The following RALGAPA2 variants were observed in gnomAD, a reference collection of about 807,000 sequenced individuals.
RALGAPA2 encodes the protein ral GTPase-activating protein subunit alpha-2.
In RALGAPA2, 139 loss-of-function variants were observed where a neutral mutation model predicts 230.4. That is an observed-to-expected ratio of 0.60 (90% CI 0.53 to 0.69). The LOEUF (loss-of-function observed/expected upper bound fraction) is 0.69. RALGAPA2 is among the 30% of genes least tolerant of loss of function. The pLI is 0.00. For missense variants in RALGAPA2, 2,163 were observed against 2,276.0 expected (o/e 0.95, Z 1.01); for synonymous variants, 847 against 837.8 (o/e 1.01, Z -0.19).
At chr20:20,577,827 C>T (rs2064867162) in intron 20 of RALGAPA2, among the ~76,000 whole-genome samples, 1 of 152,094 alleles carries the variant, frequency 6.6e-6, no homozygotes, top group South Asian at 2.1e-4. Context: ...TAATTTACAG[C>T]TTTGTTTCAT....
intron 1 of RALGAPA2, among the ~76,000 whole-genome samples, chr20:20,686,278 G>A (rs1238679861): frequency 6.6e-6 from 1 of 152,086 alleles, no homozygotes; most frequent in Admixed American, 6.6e-5. Flanking sequence ...AGGCATGGTG[G>A]CTCACACCTG....
rs576826852 is a variant in RALGAPA2 at position 20,416,500 on chromosome 20, A to G, written c.5496-4352T>C. On this transcript the variant is annotated intron_variant, in intron 37 of 39. Transcript: ENST00000202677. ...GCTTTCATCTAATATCTTGAATTCT[A>G]GAATAAATGGTGTTAAGTTCAAGAT... 2.0e-4 allele frequency among the ~76,000 whole-genome samples: 30 copies of G among 152,314 alleles called. 1 individual carries two copies. Among genetic ancestry groups the G allele is most frequent in the African/African-American group, 6.7e-4 (28 of 41,564 alleles).
At chr20:20,542,706 T>C (rs1376796387) in intron 24 of RALGAPA2, among the ~76,000 whole-genome samples, 1 of 152,158 alleles carries the variant, frequency 6.6e-6, no homozygotes, top group Non-Finnish European at 1.5e-5. Context: ...TGGCTAGCCA[T>C]ATGCAGAAAA....
At chr20:20,555,204 G>T (rs1342020186) in intron 23 of RALGAPA2, among the ~76,000 whole-genome samples, 1 of 152,130 alleles carries the variant, frequency 6.6e-6, no homozygotes, top group East Asian at 1.9e-4. Context: ...AATTGTCTTT[G>T]CACCCTTGTC....
At chr20:20,588,018 C>T (rs1312367656) in intron 18 of RALGAPA2, among the ~76,000 whole-genome samples, 2 of 152,184 alleles carry the variant, frequency 1.3e-5, no homozygotes, top group Admixed American at 6.5e-5. Flanking sequence ...GGGAGCTCTA[C>T]ACAATGCTGG....
At chr20:20,396,672 A>G in intron 39 of RALGAPA2, 23 bp downstream of exon 39, 2 of 1,599,692 alleles carry the variant, frequency 1.3e-6, no homozygotes, top group South Asian at 1.1e-5. Context: ...GGCTGGACAA[A>G]TCCACTGAAG....
chr20:20,477,834 C>A (rs2061687124), intron 36 of RALGAPA2, among the ~76,000 whole-genome samples: 1 of 152,118 alleles, frequency 6.6e-6, no homozygotes, highest in Non-Finnish European at 1.5e-5. Flanking sequence ...GTGATCCATG[C>A]ACCTCAGCCT....
intron 20 of RALGAPA2, among the ~76,000 whole-genome samples, chr20:20,573,530 T>G (rs1568597259): frequency 6.6e-6 from 1 of 152,224 alleles, no homozygotes; most frequent in Non-Finnish European, 1.5e-5. Context: ...TTCATGCAAC[T>G]GTTGCCATAA....
chr20:20,659,958 G>A (rs6082087), intron 3 of RALGAPA2: 2 of 284,922 alleles, frequency 7.0e-6, no homozygotes, highest in Non-Finnish European at 1.4e-5. Flanking sequence ...ATATCAAACA[G>A]ATTGGCTGGG....
At chr20:20,407,793 G>A (rs1424035259) in intron 38 of RALGAPA2, among the ~76,000 whole-genome samples, 1 of 152,218 alleles carries the variant, frequency 6.6e-6, no homozygotes. Context: ...CTTTCCACGA[G>A]GGCATCCAAG....
intron 37 of RALGAPA2, among the ~76,000 whole-genome samples, chr20:20,429,859 A>G (rs1419100366): frequency 6.6e-6 from 1 of 152,220 alleles, no homozygotes; most frequent in East Asian, 1.9e-4. Flanking sequence ...ATTTCTGATA[A>G]ATCCTTATTT....
intron 15 of RALGAPA2, 81 bp from the exon 16 acceptor site, chr20:20,601,927 T>C (rs2065667098): frequency 1.6e-6 from 2 of 1,214,076 alleles, no homozygotes; most frequent in Admixed American, 3.2e-5. Context: ...GCAAATGGTG[T>C]ACCTACAACT....
intron 37 of RALGAPA2, among the ~76,000 whole-genome samples, chr20:20,440,580 T>C (rs1357247901): frequency 6.6e-6 from 1 of 152,178 alleles, no homozygotes; most frequent in Non-Finnish European, 1.5e-5. Flanking sequence ...TAGAAGCACT[T>C]TTGGCCCCCC....
Position 20,437,863 on chromosome 20 carries a change from T to C in RALGAPA2, c.5496-25715A>G, listed in dbSNP as rs1320439448. ...TTCCATGCGGGCAGGAACTGTGGTA[T>C]ATCTAGCACCCAGAGAACAGGCCCC... is the stretch of plus-strand genomic sequence containing the variant. On this transcript the variant is annotated intron_variant, in intron 37 of 39. Transcript: ENST00000202677. The surrounding 1 kb of genome is among the most constrained non-coding windows in gnomAD (Gnocchi z 4.1). 1.3e-5 allele frequency among the ~76,000 whole-genome samples: 2 copies of C among 152,220 alleles called. No individual in the cohort carries two copies. The highest frequency in any genetic ancestry group is 6.5e-5 in the Admixed American group (1 of 15,288).
chr20:20,395,954 C>T (rs2059705663), intron 39 of RALGAPA2, among the ~76,000 whole-genome samples: 1 of 152,232 alleles, frequency 6.6e-6, no homozygotes, highest in Non-Finnish European at 1.5e-5. Flanking sequence ...CTTGTCATTA[C>T]CAACTGCTCG....
chr20:20,571,999 C>T, intron 21 of RALGAPA2, 53 bp from the exon 22 acceptor site: 1 of 1,267,078 alleles, frequency 7.9e-7, no homozygotes, highest in Non-Finnish European at 1.1e-6. Context: ...TTTATCCCAA[C>T]AGTATTTCAA....
At chr20:20,626,281 C>T (rs2066488254) in intron 10 of RALGAPA2, among the ~76,000 whole-genome samples, 1 of 152,208 alleles carries the variant, frequency 6.6e-6, no homozygotes, top group South Asian at 2.1e-4. Context: ...AATTGTAAAA[C>T]CCATTCCTCT....
chr20:20,571,414 A>G (rs2064629159), intron 23 of RALGAPA2, 44 bp downstream of exon 23: 13 of 1,551,056 alleles, frequency 8.4e-6, no homozygotes, highest in Non-Finnish European at 1.1e-5. Flanking sequence ...GTGATATGCT[A>G]TTTCCAATTA....
At position 20,652,715 on chromosome 20, in the gene RALGAPA2, T is replaced by C. The variant is rs567056720; in HGVS notation, c.328+815A>G. On this transcript the variant is annotated intron_variant, in intron 4 of 39. Coordinates refer to ENST00000202677, the MANE Select transcript of RALGAPA2 (RefSeq NM_020343.4). Reference sequence around the variant, plus strand: ...TTAAAACGGAAGGCAGAATTCACGATTGATTTCCCAGAATTACTCCAGCTG... The same window carrying C: ...TTAAAACGGAAGGCAGAATTCACGACTGATTTCCCAGAATTACTCCAGCTG... Among the ~76,000 whole-genome samples, 3 of 152,130 alleles carry C rather than the reference T, an allele frequency of 2.0e-5. No homozygotes were observed. In the East Asian group the frequency reaches 5.8e-4, roughly 29 times the overall value.
Sources: allele counts gnomAD v4.1 joint callset (sites outside exome capture counted in the v4.1 genomes callset), GRCh38; gene constraint gnomAD v4.1.1; non-coding constraint Gnocchi (gnomAD v3.1); transcripts MANE v1.5; gene names NCBI Gene and HGNC (gene_info 2026-07-23, HGNC 2026-07-21).